The following ZNF518A variants were observed in gnomAD, a reference collection of about 807,000 sequenced individuals.
The protein encoded by ZNF518A is zinc finger protein 518.
Under a neutral mutation model 102.7 loss-of-function variants are expected in ZNF518A, and 47 were observed. The observed-to-expected ratio is 0.46, with a 90% CI of 0.36 to 0.58. ZNF518A has a LOEUF of 0.58. Among genes scored for constraint, ZNF518A ranks in the 20% least tolerant of loss-of-function variants. The pLI, the probability that ZNF518A is intolerant of heterozygous loss-of-function variation, is 0.00. For missense variants in ZNF518A, 1,793 were observed against 1,699.8 expected, an observed-to-expected ratio of 1.05 and a Z score of -0.96; for synonymous variants, 652 against 594.6, an observed-to-expected ratio of 1.10 and a Z score of -1.40.
At chr10:96,152,011 A>G (rs782229439) in intron 3 of ZNF518A, among the ~76,000 whole-genome samples, 1 of 152,226 alleles carries the variant, frequency 6.6e-6, no homozygotes, top group African/African-American at 2.4e-5. Flanking sequence ...TAAATAGCAC[A>G]TTTAAAACCA....
Position 96,156,937 on chromosome 10 carries a change from T to C in ZNF518A, c.615T>C (p.Gly205=). Residue 205 remains glycine (G), a synonymous_variant, in exon 6 of 6, where the codon GGT becomes GGC. Transcript: ENST00000316045. ...KHFTSTHCVN[G]NFQCEKCKFS... is the part of the protein sequence containing the mutation. ...TCACATCCACACATTGTGTTAATGG[T>C]AATTTTCAATGTGAAAAGTGTAAGT... 12 of 1,613,936 alleles carry C rather than the reference T, an allele frequency of 7.4e-6. No homozygotes were observed. Among genetic ancestry groups the C allele is most frequent in the Non-Finnish European group, 1.0e-5 (12 of 1,179,824 alleles).
At chr10:96,134,538 TC>T (rs1300869216) in intron 3 of ZNF518A, among the ~76,000 whole-genome samples, 2 of 152,172 alleles carry the variant, frequency 1.3e-5, no homozygotes, top group African/African-American at 4.8e-5. Context: ...CCGGCCTACT[TC>T]CAAGCATTTT....
At chr10:96,173,027 A>G (rs1344992815) in intron 1 of ZNF518A, among the ~76,000 whole-genome samples, 1 of 152,166 alleles carries the variant, frequency 6.6e-6, no homozygotes, top group African/African-American at 2.4e-5. Flanking sequence ...CTTATTCCCT[A>G]AACAATACAG....
At chr10:96,172,096 C>T (rs1318650286) in intron 1 of ZNF518A, among the ~76,000 whole-genome samples, 2 of 152,024 alleles carry the variant, frequency 1.3e-5, no homozygotes, top group African/African-American at 4.8e-5. Flanking sequence ...GCAAACCTAC[C>T]TTTCAGTAAA....
chr10:96,155,302 C>T (rs2082647967), intron 3 of ZNF518A, 24 bp from the exon 4 acceptor site: 1 of 152,154 alleles, frequency 6.6e-6, no homozygotes. Context: ...AGGGGAAGTA[C>T]TAATTTTTCC....
downstream of ZNF518A, among the ~76,000 whole-genome samples, chr10:96,164,174 G>A (rs2083097238): frequency 6.6e-6 from 1 of 152,202 alleles, no homozygotes; most frequent in African/African-American, 2.4e-5. Context: ...TTCTTGGGGT[G>A]GGAGAAAATG....
intron 1 of ZNF518A, among the ~76,000 whole-genome samples, chr10:96,203,311 G>A (rs2083700576): frequency 6.6e-6 from 1 of 151,738 alleles, no homozygotes; most frequent in Non-Finnish European, 1.5e-5. Flanking sequence ...ACTAGTAAAA[G>A]TTTCATTTAT....
intron 1 of ZNF518A, among the ~76,000 whole-genome samples, chr10:96,169,832 G>C (rs978846673): frequency 6.6e-6 from 1 of 152,092 alleles, no homozygotes; most frequent in Non-Finnish European, 1.5e-5. Context: ...ACCGTGTTTT[G>C]TACTTGTTGT....
intron 3 of ZNF518A, among the ~76,000 whole-genome samples, chr10:96,144,439 T>C (rs1325532353): frequency 2.0e-5 from 3 of 152,350 alleles, no homozygotes; most frequent in East Asian, 1.9e-4. Context: ...GATACTGATA[T>C]ATCCATATTT....
chr10:96,171,441 A>T (rs782369770), intron 1 of ZNF518A, among the ~76,000 whole-genome samples: 1 of 152,220 alleles, frequency 6.6e-6, no homozygotes, highest in Non-Finnish European at 1.5e-5. Context: ...TAACAAAACC[A>T]TGAGTCCATT....
chr10:96,182,720 CG>C (rs1554892145), intron 1 of ZNF518A, among the ~76,000 whole-genome samples: 1 of 152,106 alleles, frequency 6.6e-6, no homozygotes, highest in African/African-American at 2.4e-5. Context: ...CTGCTGGATT[CG>C]GTTTGCCAGT....
intron 1 of ZNF518A, among the ~76,000 whole-genome samples, chr10:96,180,284 A>G (rs2083232104): frequency 6.7e-6 from 1 of 148,502 alleles, no homozygotes; most frequent in South Asian, 2.1e-4. Context: ...TTAGCCTCCC[A>G]AAGTGCTATA....
chr10:96,160,716 C>T lies in ZNF518A; in HGVS notation c.4394C>T (p.Ala1465Val). The T allele has an allele frequency of 6.2e-7, 1 of 1,611,380 alleles. No individual in the cohort carries two copies. The highest frequency in any genetic ancestry group is 8.5e-7 in the Non-Finnish European group (1 of 1,178,786). ...GTATTTGACAATCAGGATACTTGGG[C>T]TGGTCATGGGCAGAGACATTTAATG... ...GRVFDNQDTW[A>V]GHGQRHLMEA... The change falls in exon 6 of 6, where the codon GCT becomes GTT. Residue 1465 changes from alanine (A) to valine (V), a missense_variant. Physicochemically the swap from Ala to Val is moderately conservative, Grantham distance 64 (BLOSUM62 0). Transcript: ENST00000316045.
At chr10:96,203,182 T>A (rs1554896646) in intron 1 of ZNF518A, among the ~76,000 whole-genome samples, 1 of 152,206 alleles carries the variant, frequency 6.6e-6, no homozygotes, top group Non-Finnish European at 1.5e-5. Flanking sequence ...CACTAACAAC[T>A]GAATGAATGA....
intron 3 of ZNF518A, among the ~76,000 whole-genome samples, chr10:96,135,913 A>G (rs1362873050): frequency 6.6e-6 from 1 of 152,224 alleles, no homozygotes; most frequent in Non-Finnish European, 1.5e-5. Context: ...TTCCTGAAGA[A>G]TATACAACTT....
At chr10:96,165,781 A>T (rs2083134759), downstream of ZNF518A, among the ~76,000 whole-genome samples, 1 of 152,178 alleles carries the variant, frequency 6.6e-6, no homozygotes, top group South Asian at 2.1e-4. Flanking sequence ...ACAACACATT[A>T]TTACAAGAGG....
At chr10:96,143,141 G>C (rs1417243758) in intron 3 of ZNF518A, among the ~76,000 whole-genome samples, 1 of 152,084 alleles carries the variant, frequency 6.6e-6, no homozygotes, top group African/African-American at 2.4e-5. Flanking sequence ...AACATTACCA[G>C]TTCCTTGGCT....
intron 1 of ZNF518A, among the ~76,000 whole-genome samples, chr10:96,185,947 C>G (rs587609844): frequency 6.6e-6 from 1 of 152,358 alleles, no homozygotes; most frequent in South Asian, 2.1e-4. Context: ...TCTCCCCCAG[C>G]CAGGCTGCTG....
rs782442676 is a variant in ZNF518A, at chr10:96,158,568, A to C, written c.2246A>C (p.Lys749Thr). ...QNLECATEKS[K>T]WEDFSNVDSP... The stretch of plus-strand genomic sequence containing the variant: ...TTAGAGTGTGCGACTGAAAAATCTA[A>C]ATGGGAAGACTTTTCTAATGTCGAT... Residue 749 changes from lysine (K) to threonine (T), a missense_variant, in exon 6 of 6, where the codon AAA (lysine) becomes ACA (threonine). Around this residue, in one of 3 missense-constraint regions of ZNF518A, gnomAD observed 1,741 missense variants for 1,622.6 expected, o/e 1.07. Transcript: ENST00000316045. 1.7e-5 allele frequency: 28 copies of C among 1,613,064 alleles called. No homozygotes were observed. Among genetic ancestry groups the C allele is most frequent in the Non-Finnish European group, 2.3e-5 (27 of 1,179,644 alleles).
Sources: allele counts gnomAD v4.1 joint callset (sites outside exome capture counted in the v4.1 genomes callset), GRCh38; gene constraint gnomAD v4.1.1; regional missense constraint gnomAD v4.1.1; transcripts MANE v1.5; gene names NCBI Gene and HGNC (gene_info 2026-07-23, HGNC 2026-07-21).